Variants in ZSWIM2 observed in about 807,000 individuals in gnomAD.
ZSWIM2 encodes E3 ubiquitin-protein ligase ZSWIM2.
ZSWIM2 carries 38 observed loss-of-function variants against 48.4 expected under a neutral mutation model. That is an observed-to-expected ratio of 0.79 (90% confidence interval 0.61 to 1.03). ZSWIM2 has a LOEUF of 1.03. Among genes scored for constraint, ZSWIM2 ranks in the 50% least tolerant of loss-of-function variants. The probability of loss-of-function intolerance (pLI) is 0.00; values close to 1 mark genes in which losing one functional copy is unlikely to be tolerated. For missense variants in ZSWIM2, 776 were observed against 730.2 expected, an observed-to-expected ratio of 1.06 and a Z score of -0.72; for synonymous variants, 240 against 251.3, an observed-to-expected ratio of 0.96 and a Z score of 0.42.
intron 7 of ZSWIM2, among the ~76,000 whole-genome samples, 198 bp downstream of exon 7, chr2:186,832,922 G>A (rs934357257): frequency 2.0e-5 from 3 of 152,120 alleles, no homozygotes; most frequent in African/African-American, 2.4e-5. Context: ...TAGCCAATGT[G>A]TAGTTGAACT....
intron 7 of ZSWIM2, among the ~76,000 whole-genome samples, chr2:186,831,251 C>T (rs536746043): frequency 6.6e-6 from 1 of 152,046 alleles, no homozygotes; most frequent in Admixed American, 6.6e-5. Context: ...CATTTTACGC[C>T]CCACAAGAGC....
At chr2:186,847,609 A>G in intron 2 of ZSWIM2, 110 bp downstream of exon 2, 1 of 659,964 alleles carries the variant, frequency 1.5e-6, no homozygotes, top group Non-Finnish European at 2.4e-6. Context: ...TATATTCCCC[A>G]AACACCAAAT....
Position 186,827,998 on chromosome 2 carries a change from C to T in ZSWIM2, c.1888G>A (p.Gly630Arg). 1.3e-6 allele frequency: 2 copies of T among 1,572,686 alleles called. No homozygotes were observed. The highest frequency in any genetic ancestry group is 1.9e-4 in the Middle Eastern group (1 of 5,254). ...KSTELSLIIE[G>R]VQL is the part of the protein sequence containing the mutation. ...AGTAAACTTTTTCACAATTGAACTC[C>T]TTCTATTATTAAAGATAGCTCAGTA... The change falls in exon 9 of 9, where the codon GGA (glycine) becomes AGA (arginine). Residue 630 changes from glycine (G) to arginine (R), a missense_variant. Gly to Arg is a moderately radical substitution (Grantham distance 125). Coordinates refer to ENST00000295131, the MANE Select transcript of ZSWIM2 (RefSeq NM_182521.3).
chr2:186,829,180 CAATT>C (rs1183203620), intron 8 of ZSWIM2, among the ~76,000 whole-genome samples: 1 of 151,972 alleles, frequency 6.6e-6, no homozygotes, highest in Admixed American at 6.6e-5. Context: ...GAAAATAAAA[CAATT>C]AGCCATTTTA....
chr2:186,828,471 G>T lies in ZSWIM2; in HGVS notation c.1415C>A (p.Ser472Tyr). 3 of 1,613,254 alleles carry T rather than the reference G, an allele frequency of 1.9e-6. No individual in the cohort carries two copies. The highest frequency in any genetic ancestry group is 2.5e-6 in the Non-Finnish European group (3 of 1,179,624). ...TGAATTTGAATTATCTAATTTGATA[G>T]AGCATAGATTATCTATTGTTGTATT... ...YENTTIDNLC[S>Y]IKLDNSNSKK... The change falls in exon 9 of 9, where the codon TCT becomes TAT. Residue 472 changes from serine to tyrosine, a missense_variant. Physicochemically the swap from Ser to Tyr is moderately radical, Grantham distance 144. Transcript: ENST00000295131.
At chr2:186,847,672 A>C in intron 2 of ZSWIM2, 47 bp downstream of exon 2, 1 of 1,433,846 alleles carries the variant, frequency 7.0e-7, no homozygotes, top group Admixed American at 1.9e-5. Flanking sequence ...TATTTAACAC[A>C]CCAAGATGTT....
rs752080396 is a variant in ZSWIM2, at chr2:186,829,727, C to T, written c.1095G>A (p.Lys365=). 1 of 1,607,042 alleles carries T rather than the reference C, an allele frequency of 6.2e-7. No individual in the cohort carries two copies. Among genetic ancestry groups the T allele is most frequent in the South Asian group, 1.1e-5 (1 of 90,144 alleles). The change falls in exon 8 of 9, where the codon AAG becomes AAA. Residue 365 remains lysine, a splice_region_variant and synonymous_variant. Transcript: ENST00000295131. Reference sequence around the variant, plus strand: ...AAAACTAAAATGATGTGACTTTTACCTTGTGAGTACATGGTAGCAATCTTG... The same window carrying T: ...AAAACTAAAATGATGTGACTTTTACTTTGTGAGTACATGGTAGCAATCTTG... ...QHTRLLPCTH[K]FHRKCIDNWL...
chr2:186,831,974 T>C (rs1691707481), intron 7 of ZSWIM2, among the ~76,000 whole-genome samples: 1 of 152,052 alleles, frequency 6.6e-6, no homozygotes. Flanking sequence ...TGTATACATA[T>C]GTAACAAACC....
intron 6 of ZSWIM2, 135 bp from the exon 7 acceptor site, chr2:186,833,367 G>A: frequency 2.1e-6 from 1 of 471,558 alleles, no homozygotes; most frequent in Non-Finnish European, 3.7e-6. Context: ...TTTTCAACAT[G>A]TTAAAGTACT....
In ZSWIM2 at chr2:186,849,065, G is replaced by C; in HGVS notation, c.66C>G (p.His22Gln). 1 of 1,614,142 alleles carries C rather than the reference G, an allele frequency of 6.2e-7. No homozygotes were observed. The highest frequency in any genetic ancestry group is 8.5e-7 in the Non-Finnish European group (1 of 1,180,006). The part of the protein sequence containing the change: ...RRHLSERLSW[H>Q]QDQALSSSIY... ...TGCTGCTACTCAGCGCCTGGTCTTGGTGCCAGCTGAGCCTCTCGCTCAAGT... is the reference window on the plus strand; with the variant it reads ...TGCTGCTACTCAGCGCCTGGTCTTGCTGCCAGCTGAGCCTCTCGCTCAAGT... Residue 22 changes from histidine to glutamine, a missense_variant, in exon 1 of 9, where the codon CAC becomes CAG. By Grantham distance (24) the His-to-Gln change is conservative (BLOSUM62 0). Coordinates refer to ENST00000295131, the MANE Select transcript of ZSWIM2 (RefSeq NM_182521.3).
chr2:186,834,863 T>C (rs182458892), intron 5 of ZSWIM2, among the ~76,000 whole-genome samples: 21 of 152,290 alleles, frequency 1.4e-4, no homozygotes, highest in Non-Finnish European at 2.6e-4. Flanking sequence ...ATAACCTCTT[T>C]ATTTCAAGGT....
chr2:186,837,292 C>T lies in ZSWIM2; in HGVS notation c.743+14G>A, dbSNP rs147863517. 3.0e-3 allele frequency: 4,778 copies of T among 1,608,772 alleles called. 89 individuals carry two copies. The South Asian group carries it at 0.031, about 10-fold the overall frequency. On this transcript the variant is annotated intron_variant, in intron 5 of 8. Coordinates refer to ENST00000295131, the MANE Select transcript of ZSWIM2 (RefSeq NM_182521.3). Reference sequence around the variant, plus strand: ...AAAAAGAACACATGCTTATAATTTACGGATAACACTTACTTATAACACTTC... The same window carrying T: ...AAAAAGAACACATGCTTATAATTTATGGATAACACTTACTTATAACACTTC...
chr2:186,848,491 T>C (rs769879091), intron 1 of ZSWIM2, among the ~76,000 whole-genome samples: 3 of 152,196 alleles, frequency 2.0e-5, no homozygotes, highest in Non-Finnish European at 4.4e-5. Flanking sequence ...GGTATTGCCA[T>C]TTAAACCATC....
intron 5 of ZSWIM2, among the ~76,000 whole-genome samples, chr2:186,836,031 T>C (rs1415491862): frequency 6.6e-6 from 1 of 152,120 alleles, no homozygotes; most frequent in Non-Finnish European, 1.5e-5. Context: ...AGGAGTGCAC[T>C]GTCATCAACA....
rs1165159689 is a variant in ZSWIM2 at position 186,827,511 on chromosome 2, T to C, written c.*473A>G. On this transcript the variant is annotated 3_prime_UTR_variant, in exon 9 of 9. Transcript: ENST00000295131. ...TAGCTGATAGTATTTCATTTTATTT[T>C]CATTTTATGTATAAGAAAACTCCTT... Among the ~76,000 whole-genome samples the C allele has an allele frequency of 6.6e-6, 1 of 151,862 alleles. No homozygotes were observed. The highest frequency in any genetic ancestry group is 2.4e-5 in the African/African-American group (1 of 41,428).
In ZSWIM2 at chr2:186,828,511, T is replaced by C. The variant is rs200543931; in HGVS notation, c.1375A>G (p.Lys459Glu). The C allele has an allele frequency of 1.1e-5, 17 of 1,613,518 alleles. No homozygotes were observed. The East Asian group carries it at 3.6e-4, about 34-fold the overall frequency. ...ATTGTTGTATTTTCATAGGCATCTT[T>C]TGGGCTTTGAGGTGTATTCAATTCA... ...FDELNTPQSP[K>E]DAYENTTIDN... The change falls in exon 9 of 9, where the codon AAA (lysine) becomes GAA (glutamate). Residue 459 changes from lysine (K) to glutamate (E), a missense_variant. Coordinates refer to ENST00000295131, the MANE Select transcript of ZSWIM2 (RefSeq NM_182521.3).
At chr2:186,848,510 G>A (rs566208639) in intron 1 of ZSWIM2, among the ~76,000 whole-genome samples, 2 of 152,160 alleles carry the variant, frequency 1.3e-5, no homozygotes, top group South Asian at 4.2e-4. Context: ...TCCTTTAATA[G>A]GGCCTTCATA....
chr2:186,845,849 G>A (rs951778051), intron 2 of ZSWIM2, among the ~76,000 whole-genome samples: 1 of 151,452 alleles, frequency 6.6e-6, no homozygotes, highest in African/African-American at 2.4e-5. Flanking sequence ...TATCTTGAAA[G>A]ATTTATAGTT....
At chr2:186,842,037 T>G (rs184479996) in intron 3 of ZSWIM2, among the ~76,000 whole-genome samples, 53 of 151,290 alleles carry the variant, frequency 3.5e-4, no homozygotes, top group African/African-American at 1.1e-3. Flanking sequence ...CATAATAATA[T>G]TCCCATATAA....
Sources: allele counts gnomAD v4.1 joint callset (sites outside exome capture counted in the v4.1 genomes callset), GRCh38; gene constraint gnomAD v4.1.1; transcripts MANE v1.5; gene names NCBI Gene and HGNC (gene_info 2026-07-23, HGNC 2026-07-21).